The following PPFIA2 variants were observed in gnomAD, a reference collection of about 807,000 sequenced individuals.
PPFIA2 encodes the protein liprin-alpha-2.
A neutral mutation model predicts 175.5 loss-of-function variants in PPFIA2; 46 were observed. The observed-to-expected ratio is 0.26, with a 90% confidence interval of 0.21 to 0.34. The LOEUF (loss-of-function observed/expected upper bound fraction) is 0.34. Among genes scored for constraint, PPFIA2 ranks in the 10% least tolerant of loss-of-function variants. The probability of loss-of-function intolerance (pLI) is 1.00; values close to 1 mark genes in which losing one functional copy is unlikely to be tolerated. For missense variants in PPFIA2, 1,179 were observed against 1,506.1 expected (o/e 0.78, Z 3.60); for synonymous variants, 568 against 511.4 (o/e 1.11, Z -1.49).
At chr12:81,682,279 C>T (rs890274724) in intron 3 of PPFIA2, among the ~76,000 whole-genome samples, 6 of 151,922 alleles carry the variant, frequency 3.9e-5, no homozygotes, top group African/African-American at 1.2e-4. Context: ...AAGAAGAAGG[C>T]AGCAATTTCT....
chr12:81,597,537 T>C (rs1378275039), intron 4 of PPFIA2, among the ~76,000 whole-genome samples: 1 of 152,076 alleles, frequency 6.6e-6, no homozygotes, highest in Non-Finnish European at 1.5e-5. Context: ...TGCAAAATAT[T>C]TTTCTAAGCC....
At chr12:81,510,825 A>T (rs1381543576) in intron 4 of PPFIA2, among the ~76,000 whole-genome samples, 1 of 152,150 alleles carries the variant, frequency 6.6e-6, no homozygotes, top group African/African-American at 2.4e-5. Context: ...AATATTCATG[A>T]CTAACAAGCA....
At chr12:81,509,256 C>G (rs1335208250) in intron 4 of PPFIA2, among the ~76,000 whole-genome samples, 1 of 152,118 alleles carries the variant, frequency 6.6e-6, no homozygotes, top group Non-Finnish European at 1.5e-5. Context: ...CAGTGGCTCA[C>G]AGACTTCCAA....
chr12:81,366,430 T>A (rs1233713445), intron 14 of PPFIA2, among the ~76,000 whole-genome samples: 1 of 151,722 alleles, frequency 6.6e-6, no homozygotes, highest in South Asian at 2.1e-4. Context: ...TCATGCCACA[T>A]GCACTATGTT....
intron 3 of PPFIA2, among the ~76,000 whole-genome samples, chr12:81,747,242 T>C (rs2083185410): frequency 6.9e-6 from 1 of 143,922 alleles, no homozygotes; most frequent in African/African-American, 2.4e-5. Context: ...GATAAAACAG[T>C]GTGCTGGTAT....
intron 14 of PPFIA2, among the ~76,000 whole-genome samples, chr12:81,363,194 T>C (rs1035392381): frequency 4.6e-5 from 7 of 151,572 alleles, no homozygotes; most frequent in Non-Finnish European, 7.4e-5. Flanking sequence ...AAAAAGATGA[T>C]TGGATTGAAA....
chr12:81,601,937 TA>T (rs1359136084), intron 4 of PPFIA2, among the ~76,000 whole-genome samples: 2 of 151,926 alleles, frequency 1.3e-5, no homozygotes, highest in African/African-American at 4.8e-5. Flanking sequence ...CAAGAGCTCT[TA>T]AAAATTGAAA....
chr12:81,544,725 A>G (rs534160005), intron 4 of PPFIA2, among the ~76,000 whole-genome samples: 1 of 152,268 alleles, frequency 6.6e-6, no homozygotes, highest in African/African-American at 2.4e-5. Context: ...GATGAAATAT[A>G]GAGGTTTCAA....
At chr12:81,508,743 T>C (rs2061463361) in intron 4 of PPFIA2, among the ~76,000 whole-genome samples, 1 of 149,586 alleles carries the variant, frequency 6.7e-6, no homozygotes, top group Non-Finnish European at 1.5e-5. Context: ...TAGGTATATC[T>C]CCCGATGCTA....
At chr12:81,409,246 G>C (rs2043467312) in intron 7 of PPFIA2, among the ~76,000 whole-genome samples, 1 of 152,128 alleles carries the variant, frequency 6.6e-6, no homozygotes, top group Admixed American at 6.6e-5. Context: ...CAAGCAAATT[G>C]CCTACAAGAA....
chr12:81,705,374 T>C (rs975983642), intron 3 of PPFIA2, among the ~76,000 whole-genome samples: 1 of 146,878 alleles, frequency 6.8e-6, no homozygotes, highest in African/African-American at 2.5e-5. Context: ...GAGAATGGCA[T>C]GAACCTGGGA....
At chr12:81,281,125 T>A in intron 27 of PPFIA2, 132 bp downstream of exon 27, 1 of 696,584 alleles carries the variant, frequency 1.4e-6, no homozygotes, top group African/African-American at 1.8e-5. Context: ...TCCAAGTAGA[T>A]GTATACAAAC....
chr12:81,740,917 A>G (rs1257734807), intron 3 of PPFIA2, among the ~76,000 whole-genome samples: 1 of 152,196 alleles, frequency 6.6e-6, no homozygotes, highest in Non-Finnish European at 1.5e-5. Flanking sequence ...GTCCTTCCAC[A>G]AACTGAAAGT....
At chr12:81,368,604 C>G in intron 13 of PPFIA2, 121 bp downstream of exon 13, 1 of 1,027,938 alleles carries the variant, frequency 9.7e-7, no homozygotes, top group Non-Finnish European at 1.4e-6. Context: ...TAAGAATATA[C>G]CAGGCATTTT....
Position 81,486,303 on chromosome 12 carries a change from G to A in PPFIA2, c.304-28437C>T, listed in dbSNP as rs1055872926. ...GTCTTATGTGGCAGAATTAGTACTC[G>A]AACCCAGCTAGCTGGTAACAAAAGT... On this transcript the variant is annotated intron_variant, in intron 4 of 32. Coordinates refer to ENST00000549396, the MANE Select transcript of PPFIA2 (RefSeq NM_003625.5). Among the ~76,000 whole-genome samples the A allele has an allele frequency of 7.9e-5, 12 of 151,862 alleles. No homozygotes were observed. The East Asian group carries it at 9.7e-4, about 12-fold the overall frequency.
chr12:81,686,006 C>T (rs1401047837), intron 3 of PPFIA2, among the ~76,000 whole-genome samples: 1 of 151,962 alleles, frequency 6.6e-6, no homozygotes, highest in Non-Finnish European at 1.5e-5. Flanking sequence ...AAAGGTCACA[C>T]AGCCAATAAG....
At chr12:81,624,465 G>A (rs2062444544) in intron 4 of PPFIA2, among the ~76,000 whole-genome samples, 1 of 142,886 alleles carries the variant, frequency 7.0e-6, no homozygotes, top group Non-Finnish European at 1.5e-5. Context: ...TAGTGACCTG[G>A]GCATATATAT....
Position 81,468,334 on chromosome 12 carries a change from C to T in PPFIA2, c.304-10468G>A, listed in dbSNP as rs527380029. On this transcript the variant is annotated intron_variant, in intron 4 of 32. Transcript: ENST00000549396. ...ATGCATTTGTACATTTATTAAAACT[C>T]GACATTCTAAGTACATTAGTACAAT... 1.7e-4 allele frequency among the ~76,000 whole-genome samples: 26 copies of T among 152,222 alleles called. 1 individual carries two copies. The highest frequency in any genetic ancestry group is 5.9e-4 in the Admixed American group (9 of 15,280).
intron 3 of PPFIA2, 95 bp from the exon 4 acceptor site, chr12:81,676,939 T>G (rs1376182545): frequency 2.4e-6 from 2 of 826,756 alleles, no homozygotes; most frequent in African/African-American, 3.6e-5. Flanking sequence ...GCTGCAAAGT[T>G]AGGGCATGTC....
Sources: gnomAD v4.1 joint callset for allele counts (sites outside exome capture counted in the v4.1 genomes callset) on GRCh38, gnomAD v4.1.1 for gene constraint, MANE v1.5 for transcripts, NCBI Gene and HGNC (gene_info 2026-07-23, HGNC 2026-07-21) for gene names.